Variants in NLRP3 observed in about 807,000 individuals in gnomAD.
NLRP3 encodes the protein NACHT, LRR and PYD domains-containing protein 3.
NLRP3 carries 48 observed loss-of-function variants against 91.3 expected under a neutral mutation model. That is an observed-to-expected ratio of 0.53 (90% CI 0.42 to 0.67). The LOEUF is 0.67. Among genes scored for constraint, NLRP3 ranks in the 30% least tolerant of loss-of-function variants. The pLI, the probability that NLRP3 is intolerant of heterozygous loss-of-function variation, is 0.00. For missense variants in NLRP3, 982 were observed against 1,276.9 expected (o/e 0.77, Z 3.52); for synonymous variants, 561 against 507.9 (o/e 1.10, Z -1.41).
intron 4 of NLRP3, among the ~76,000 whole-genome samples, chr1:247,427,511 G>A (rs1023506991): frequency 3.9e-4 from 60 of 152,162 alleles, no homozygotes. Context: ...TCTCTAGATA[G>A]CACCTTCCTT....
Position 247,429,804 on chromosome 1 carries a change from A to G in NLRP3, c.2321+49A>G, listed in dbSNP as rs1201800205. On this transcript the variant is annotated intron_variant, in intron 5 of 9. Coordinates refer to ENST00000336119, the MANE Select transcript of NLRP3 (RefSeq NM_001243133.2). Reference sequence around the variant, plus strand: ...GTGTGAGTGCAAGTTCATATGAGAGAGAGAGAGAGAAACAGACTGGAGAAA... The same window carrying G: ...GTGTGAGTGCAAGTTCATATGAGAGGGAGAGAGAGAAACAGACTGGAGAAA... 8 of 1,597,038 alleles carry G rather than the reference A, an allele frequency of 5.0e-6. No individual in the cohort carries two copies. The East Asian group carries it at 1.6e-4, about 31-fold the overall frequency.
chr1:247,416,268 G>A (rs1202847708), intron 1 of NLRP3, 75 bp downstream of exon 1: 1 of 152,418 alleles, frequency 6.6e-6, no homozygotes, highest in East Asian at 1.9e-4. Flanking sequence ...TCAGAGGGCA[G>A]AACTTGTCCT....
At chr1:247,427,605 C>T (rs568407254) in intron 4 of NLRP3, among the ~76,000 whole-genome samples, 12 of 151,022 alleles carry the variant, frequency 7.9e-5, no homozygotes, top group African/African-American at 2.7e-4. Flanking sequence ...ACTCTGAGGA[C>T]AGACTCTCAC....
chr1:247,418,654 T>A lies in NLRP3; in HGVS notation c.-147T>A. ...TTGACTTGTTACAGTCATGTGACAT[T>A]TTTTTCTTTCTGTTTGCTGAGTTTT... is the stretch of plus-strand genomic sequence containing the variant. On this transcript the variant is annotated 5_prime_UTR_variant, in exon 2 of 10. Coordinates refer to ENST00000336119, the MANE Select transcript of NLRP3 (RefSeq NM_001243133.2). 1 of 1,033,474 alleles carries A rather than the reference T, an allele frequency of 9.7e-7. No individual in the cohort carries two copies. The highest frequency in any genetic ancestry group is 2.2e-5 in the Admixed American group (1 of 45,544). 64.0% of individuals were successfully genotyped at this position (1,033,474 alleles called of 1,614,324 possible). A position where few individuals can be genotyped will look rare whatever the true frequency, so the allele number is the denominator to read the frequency against.
chr1:247,428,645 G>GA (rs141489636), intron 4 of NLRP3, among the ~76,000 whole-genome samples: 49,291 of 151,988 alleles, frequency 0.32, 9,852 homozygotes, highest in South Asian at 0.45. Flanking sequence ...GAGCCACCTG[G>GA]CTTTTTTTAA....
chr1:247,420,101 A>G (rs1662349476), intron 2 of NLRP3, among the ~76,000 whole-genome samples: 2 of 152,198 alleles, frequency 1.3e-5, no homozygotes, highest in South Asian at 2.1e-4. Flanking sequence ...TTTTTATAGT[A>G]GCCATTCTAA....
At chr1:247,429,918 A>G (rs1209059072) in intron 5 of NLRP3, among the ~76,000 whole-genome samples, 163 bp downstream of exon 5, 3 of 151,968 alleles carry the variant, frequency 2.0e-5, no homozygotes, top group Admixed American at 6.6e-5. Flanking sequence ...CTTATTGCCC[A>G]GGCTGGAGTG....
chr1:247,416,441 C>T lies in NLRP3; in HGVS notation c.-749+248C>T, dbSNP rs1558183323. ...ACAGCGGCAGCAACCATAGTTTACA[C>T]CCACGACTTCAGCAGATTTGCCCAG... On this transcript the variant is annotated intron_variant, in intron 1 of 9. Coordinates refer to ENST00000336119, the MANE Select transcript of NLRP3 (RefSeq NM_001243133.2). Among the ~76,000 whole-genome samples the T allele has an allele frequency of 5.3e-5, 8 of 152,160 alleles. No homozygotes were observed. The South Asian group carries it at 1.2e-3, about 24-fold the overall frequency.
intron 7 of NLRP3, among the ~76,000 whole-genome samples, chr1:247,439,467 T>C (rs751601835): frequency 6.6e-6 from 1 of 152,180 alleles, no homozygotes; most frequent in Non-Finnish European, 1.5e-5. Context: ...TGCCACACCA[T>C]TGCCTTTATC....
At chr1:247,419,590 C>T (rs1398538453) in intron 2 of NLRP3, among the ~76,000 whole-genome samples, 1 of 152,164 alleles carries the variant, frequency 6.6e-6, no homozygotes, top group Non-Finnish European at 1.5e-5. Flanking sequence ...CCTCATTCTC[C>T]CAGCCCTGGT....
chr1:247,432,356 CT>C (rs965739956), intron 5 of NLRP3, among the ~76,000 whole-genome samples: 1 of 142,972 alleles, frequency 7.0e-6, no homozygotes, highest in African/African-American at 2.6e-5. Flanking sequence ...TGGTATTTGA[CT>C]CTGTTTCTGA....
intron 2 of NLRP3, among the ~76,000 whole-genome samples, chr1:247,420,297 T>C (rs923556415): frequency 2.6e-5 from 4 of 152,232 alleles, no homozygotes; most frequent in Admixed American, 2.6e-4. Context: ...GTTCTTTATG[T>C]ATTCTAGATA....
Position 247,429,627 on chromosome 1 carries a change from C to T in NLRP3, c.2193C>T (p.Leu731=). ...TCACTTCCAGTTTTTGCCGGGGCCT[C>T]TTTTCAGTTCTGAGCACCAGCCAGA... ...SHLTSSFCRG[L]FSVLSTSQSL... Residue 731 remains leucine, a synonymous_variant, in exon 5 of 10, where the codon CTC becomes CTT. Coordinates refer to ENST00000336119, the MANE Select transcript of NLRP3 (RefSeq NM_001243133.2). 1 of 1,614,230 alleles carries T rather than the reference C, an allele frequency of 6.2e-7. No homozygotes were observed. The highest frequency in any genetic ancestry group is 1.1e-5 in the South Asian group (1 of 91,086).
chr1:247,424,784 T>C lies in NLRP3; in HGVS notation c.1335T>C (p.Leu445=). ...CCACCGCGGTGTACGTCTTCTTCCT[T>C]TCCAGTTTGCTGCAGCCCCGGGGAG... ...KTTTAVYVFF[L]SSLLQPRGGS... The change falls in exon 4 of 10, where the codon CTT becomes CTC. Residue 445 remains leucine, a synonymous_variant. Transcript: ENST00000336119. This position sits in a 1 kb window ranked among gnomAD's most constrained non-coding sequence, Gnocchi z 8.1. 2 of 1,611,198 alleles carry C rather than the reference T, an allele frequency of 1.2e-6. No homozygotes were observed. Among genetic ancestry groups the C allele is most frequent in the Non-Finnish European group, 1.7e-6 (2 of 1,180,020 alleles).
intron 9 of NLRP3, among the ~76,000 whole-genome samples, chr1:247,445,466 C>T (rs1664525992): frequency 6.6e-6 from 1 of 152,184 alleles, no homozygotes; most frequent in Non-Finnish European, 1.5e-5. Flanking sequence ...TCCCCAAGTG[C>T]TGGGATTACA....
intron 5 of NLRP3, among the ~76,000 whole-genome samples, chr1:247,431,189 A>C (rs986498993): frequency 6.6e-6 from 1 of 151,268 alleles, no homozygotes; most frequent in African/African-American, 2.4e-5. Context: ...ATTTCAAAAT[A>C]ATAATAATAA....
At chr1:247,437,657 A>G (rs1018204334) in intron 7 of NLRP3, among the ~76,000 whole-genome samples, 2 of 152,240 alleles carry the variant, frequency 1.3e-5, no homozygotes, top group Admixed American at 6.5e-5. Context: ...CACTGACAGC[A>G]GCAGTGAGTA....
chr1:247,440,196 T>A (rs1410464427), intron 7 of NLRP3, among the ~76,000 whole-genome samples: 2 of 152,216 alleles, frequency 1.3e-5, no homozygotes, highest in Non-Finnish European at 2.9e-5. Context: ...GCATATTGTG[T>A]ACTGCCTGTC....
At chr1:247,436,776 C>G (rs993824736) in intron 7 of NLRP3, among the ~76,000 whole-genome samples, 1 of 152,142 alleles carries the variant, frequency 6.6e-6, no homozygotes, top group Non-Finnish European at 1.5e-5. Flanking sequence ...GTTACATAAG[C>G]CTTTTGATTC....
Sources: allele counts gnomAD v4.1 joint callset (sites outside exome capture counted in the v4.1 genomes callset), GRCh38; gene constraint gnomAD v4.1.1; non-coding constraint Gnocchi (gnomAD v3.1); transcripts MANE v1.5; gene names NCBI Gene and HGNC (gene_info 2026-07-23, HGNC 2026-07-21).